The following ITGA11 variants were observed in gnomAD, a reference collection of about 807,000 sequenced individuals.
ITGA11 encodes the protein integrin alpha-11.
Under a neutral mutation model 141.9 loss-of-function variants are expected in ITGA11, and 97 were observed. The ratio of observed to expected loss-of-function variants is 0.68; its 90% CI spans 0.58 to 0.81. The LOEUF (loss-of-function observed/expected upper bound fraction) is 0.81. Among genes scored for constraint, ITGA11 ranks in the 30% least tolerant of loss-of-function variants. The pLI, the probability that ITGA11 is intolerant of heterozygous loss-of-function variation, is 0.00. For missense variants in ITGA11, 1,387 were observed against 1,559.2 expected (o/e 0.89, Z 1.86); for synonymous variants, 658 against 624.6 (o/e 1.05, Z -0.80).
intron 1 of ITGA11, among the ~76,000 whole-genome samples, 190 bp from the exon 2 acceptor site, chr15:68,403,219 C>T (rs1281037895): frequency 6.6e-6 from 1 of 152,164 alleles, no homozygotes. Context: ...GTAGGGCCCA[C>T]AGTCTGATGG....
intron 26 of ITGA11, among the ~76,000 whole-genome samples, chr15:68,309,893 G>A (rs572080411): frequency 2.6e-5 from 4 of 152,212 alleles, no homozygotes; most frequent in East Asian, 1.9e-4. Flanking sequence ...ATGAGCCACC[G>A]TGCACGGCCT....
intron 1 of ITGA11, among the ~76,000 whole-genome samples, chr15:68,426,664 C>T (rs1263524282): frequency 6.6e-6 from 1 of 152,104 alleles, no homozygotes; most frequent in Non-Finnish European, 1.5e-5. Flanking sequence ...TTGAAGACAC[C>T]TCCTTTAACA....
chr15:68,399,797 T>C (rs1896422169), intron 2 of ITGA11, among the ~76,000 whole-genome samples: 1 of 152,018 alleles, frequency 6.6e-6, no homozygotes, highest in Admixed American at 6.6e-5. Context: ...TGAGGACCAC[T>C]AGAGTGGGGA....
intron 10 of ITGA11, among the ~76,000 whole-genome samples, chr15:68,347,129 T>C (rs1428484522): frequency 6.6e-6 from 1 of 152,196 alleles, no homozygotes; most frequent in Non-Finnish European, 1.5e-5. Flanking sequence ...TCTAATCAGC[T>C]CTGACGTCAG....
chr15:68,343,664 G>C (rs1234159124), intron 10 of ITGA11, among the ~76,000 whole-genome samples: 1 of 152,172 alleles, frequency 6.6e-6, no homozygotes, highest in African/African-American at 2.4e-5. Context: ...CACCGAGGCT[G>C]TCCTCCCCCG....
In ITGA11 at chr15:68,400,733, TTATA is replaced by T. The variant is rs1309681806; in HGVS notation, c.164+2181_164+2184del. On this transcript the variant is annotated intron_variant, in intron 2 of 29. Coordinates refer to ENST00000315757, the MANE Select transcript of ITGA11 (RefSeq NM_001004439.2). ...AATATTATATATTATATAATAAATA[TTATA>T]TATTATATAATAAATATTATAATAT... Among the ~76,000 whole-genome samples the T allele has an allele frequency of 1.6e-4, 4 of 24,272 alleles. 1 individual carries two copies. The highest frequency in any genetic ancestry group is 2.4e-4 in the Non-Finnish European group (4 of 16,784). 15.9% of individuals were successfully genotyped at this position (24,272 alleles called of 152,430 possible). A position where few individuals can be genotyped will look rare whatever the true frequency, so the allele number is the denominator to read the frequency against.
chr15:68,396,123 A>G (rs1896233422), intron 2 of ITGA11, among the ~76,000 whole-genome samples: 1 of 152,130 alleles, frequency 6.6e-6, no homozygotes, highest in African/African-American at 2.4e-5. Flanking sequence ...CTCATGAAAC[A>G]AAACAGATAC....
At position 68,406,165 on chromosome 15, in the gene ITGA11, C is replaced by T. The variant is rs193152805; in HGVS notation, c.53-3136G>A. On this transcript the variant is annotated intron_variant, in intron 1 of 29. Transcript: ENST00000315757. ...TGGGGCCTTGTCCACCCCAAGCCCT[C>T]TATCAGTGCTTGTTGTGCAACCATG... Among the ~76,000 whole-genome samples, 108 of 152,320 alleles carry T rather than the reference C, an allele frequency of 7.1e-4. 1 individual carries two copies. The highest frequency in any genetic ancestry group is 2.6e-3 in the African/African-American group (108 of 41,562).
chr15:68,331,219 C>T (rs1894147584), intron 14 of ITGA11, 108 bp from the exon 15 acceptor site: 1 of 1,020,168 alleles, frequency 9.8e-7, no homozygotes, highest in African/African-American at 1.6e-5. Context: ...TGTGTGAAAC[C>T]ACCAAGAAGC....
intron 4 of ITGA11, 169 bp from the exon 5 acceptor site, chr15:68,361,873 A>T: frequency 1.7e-6 from 1 of 572,118 alleles, no homozygotes; most frequent in Non-Finnish European, 3.1e-6. Flanking sequence ...TCTTGCTGCA[A>T]TGTGTACTAG....
Position 68,337,536 on chromosome 15 carries a change from A to G in ITGA11, c.1277-1691T>C, listed in dbSNP as rs1168780878. ...CTCCTAGACGGAGGAGGAGGAGGAG[A>G]AAAGGCACTCCCTCAAGACCCCCAC... On this transcript the variant is annotated intron_variant, in intron 11 of 29. Coordinates refer to ENST00000315757, the MANE Select transcript of ITGA11 (RefSeq NM_001004439.2). 2.6e-5 allele frequency among the ~76,000 whole-genome samples: 4 copies of G among 152,192 alleles called. No individual in the cohort carries two copies. In the East Asian group the frequency reaches 7.7e-4, roughly 29 times the overall value.
intron 3 of ITGA11, among the ~76,000 whole-genome samples, chr15:68,366,971 C>A (rs747538560): frequency 7.9e-5 from 12 of 152,162 alleles, no homozygotes; most frequent in Non-Finnish European, 1.6e-4. Context: ...CCTGGAACGG[C>A]CGTAGGAAAA....
chr15:68,325,088 G>T lies in ITGA11; in HGVS notation c.2322+43C>A. 1.4e-6 allele frequency: 2 copies of T among 1,400,124 alleles called. No individual in the cohort carries two copies. The highest frequency in any genetic ancestry group is 2.0e-6 in the Non-Finnish European group (2 of 984,730). 86.7% of individuals were successfully genotyped at this position (1,400,124 alleles called of 1,614,324 possible). On this transcript the variant is annotated intron_variant, in intron 18 of 29. Transcript: ENST00000315757. This position sits in a 1 kb window ranked among gnomAD's most constrained non-coding sequence, Gnocchi z 5.5. The stretch of plus-strand genomic sequence containing the variant: ...CTTTGGGGTTGAGGTGGAGGTGGGG[G>T]TGGGGTTCATGCCCGAGGTGCGTGC...
At position 68,322,036 on chromosome 15, in the gene ITGA11, G is replaced by A. The variant is rs979215931; in HGVS notation, c.2323-533C>T. Among the ~76,000 whole-genome samples, 3 of 152,210 alleles carry A rather than the reference G, an allele frequency of 2.0e-5. No individual in the cohort carries two copies. The highest frequency in any genetic ancestry group is 2.9e-5 in the Non-Finnish European group (2 of 68,030). ...ACAGGGGATCAGAGTTCTGAAGGAC[G>A]GTCAAGGTAGCTGTGTGGACCGGGA... On this transcript the variant is annotated intron_variant, in intron 18 of 29. Coordinates refer to ENST00000315757, the MANE Select transcript of ITGA11 (RefSeq NM_001004439.2). The surrounding 1 kb of genome is among the most constrained non-coding windows in gnomAD (Gnocchi z 5.6).
intron 3 of ITGA11, chr15:68,365,273 T>A (rs1165523469): frequency 5.1e-6 from 5 of 985,280 alleles, no homozygotes; most frequent in South Asian, 4.7e-5. Context: ...ACAATCAACA[T>A]GTGACAGCTG....
At position 68,325,183 on chromosome 15, in the gene ITGA11, G is replaced by C; in HGVS notation, c.2270C>G (p.Pro757Arg). 1 of 1,613,992 alleles carries C rather than the reference G, an allele frequency of 6.2e-7. No individual in the cohort carries two copies. Among genetic ancestry groups the C allele is most frequent in the Non-Finnish European group, 8.5e-7 (1 of 1,179,888 alleles). The change falls in exon 18 of 30, where the codon CCT becomes CGT. Residue 757 changes from proline to arginine, a missense_variant. Pro to Arg is a moderately radical substitution (Grantham distance 103). Coordinates refer to ENST00000315757, the MANE Select transcript of ITGA11 (RefSeq NM_001004439.2). The surrounding 1 kb of genome is among the most constrained non-coding windows in gnomAD (Gnocchi z 5.5). ...TFSVEYSLEDPDHGPMLDDGW... is the reference protein window; with the variant it reads ...TFSVEYSLEDRDHGPMLDDGW... ...GTCGTCCAGCATGGGGCCATGGTCAGGGTCCTCCAGGGAATACTCGACTGA... is the reference window on the plus strand; with the variant it reads ...GTCGTCCAGCATGGGGCCATGGTCACGGTCCTCCAGGGAATACTCGACTGA...
At chr15:68,318,522 A>AGGGAGT (rs371359686) in intron 20 of ITGA11, among the ~76,000 whole-genome samples, 179 of 151,932 alleles carry the variant, frequency 1.2e-3, no homozygotes, top group African/African-American at 3.9e-3. Flanking sequence ...GGCAGTGGAG[A>AGGGAGT]GGGAGTGGGA....
chr15:68,346,222 T>C (rs1263865745), intron 10 of ITGA11, among the ~76,000 whole-genome samples: 1 of 152,124 alleles, frequency 6.6e-6, no homozygotes, highest in Non-Finnish European at 1.5e-5. Context: ...GTCATGACCT[T>C]GACGTGACCG....
chr15:68,382,345 G>C (rs1895883781), intron 2 of ITGA11, among the ~76,000 whole-genome samples: 2 of 152,174 alleles, frequency 1.3e-5, no homozygotes, highest in Non-Finnish European at 2.9e-5. Context: ...CGGGCCACCA[G>C]CCACCACTCA....
Sources: gnomAD v4.1 joint callset for allele counts (sites outside exome capture counted in the v4.1 genomes callset) on GRCh38, gnomAD v4.1.1 for gene constraint, Gnocchi (gnomAD v3.1) non-coding constraint, MANE v1.5 for transcripts, NCBI Gene and HGNC (gene_info 2026-07-23, HGNC 2026-07-21) for gene names.